AGR3: variants seen among roughly 807,000 people sequenced by gnomAD.
AGR3 encodes the protein anterior gradient protein 3.
Under a neutral mutation model 24.5 loss-of-function variants are expected in AGR3, and 37 were observed. The observed-to-expected ratio is 1.51, with a 90% CI of 1.16 to 1.99. AGR3 has a LOEUF of 1.99. Ranked by LOEUF, AGR3 falls within the 30% of genes most tolerant of loss-of-function variation. The pLI is 0.00. For missense variants in AGR3, 228 were observed against 191.1 expected (o/e 1.19, Z -1.14); for synonymous variants, 75 against 61.6 (o/e 1.22, Z -1.02).
At chr7:16,861,772 G>T (rs1055566547) in intron 5 of AGR3, among the ~76,000 whole-genome samples, 6 of 151,734 alleles carry the variant, frequency 4.0e-5, no homozygotes, top group South Asian at 2.1e-4. Flanking sequence ...ATGGTGGCAG[G>T]TGCCTGTAGT....
At chr7:16,855,452 T>A (rs1781543760), downstream of AGR3, among the ~76,000 whole-genome samples, 1 of 152,086 alleles carries the variant, frequency 6.6e-6, no homozygotes. Context: ...AGAAACTGAA[T>A]CACTGCTAAT....
intron 5 of AGR3, 33 bp downstream of exon 5, chr7:16,861,951 T>C (rs1362729217): frequency 1.4e-5 from 21 of 1,486,792 alleles, no homozygotes; most frequent in Admixed American, 2.0e-5. Flanking sequence ...CATGAAATTA[T>C]AGTATTAAGA....
At chr7:16,855,874 C>T (rs79548109), downstream of AGR3, among the ~76,000 whole-genome samples, 2,786 of 152,206 alleles carry the variant, frequency 0.018, 57 homozygotes, top group South Asian at 0.039. Context: ...AAAGATCCTA[C>T]CAAGAAAACT....
rs770992989 is a variant in AGR3 at position 16,878,541 on chromosome 7, C to G, written c.78G>C (p.Lys26Asn). 13 of 1,613,964 alleles carry G rather than the reference C, an allele frequency of 8.1e-6. No individual in the cohort carries two copies. In the East Asian group the frequency reaches 2.7e-4, roughly 33 times the overall value. Reference protein sequence around the residue: ...VSSNLAIAIKKEKRPPQTLSR... With the variant: ...VSSNLAIAIKNEKRPPQTLSR... ...AGAGTGTCTGAGGAGGCCTCTTTTC[C>G]TTTTTTATTGCAATGGCAAGGTTGG... is the stretch of plus-strand genomic sequence containing the variant. The change falls in exon 2 of 8, where the codon AAG becomes AAC. Residue 26 changes from lysine (K) to asparagine (N), a missense_variant. By Grantham distance (94) the Lys-to-Asn change is moderately conservative. Coordinates refer to ENST00000310398, the MANE Select transcript of AGR3 (RefSeq NM_176813.5).
intron 2 of AGR3, among the ~76,000 whole-genome samples, chr7:16,875,395 AT>A (rs1415901949): frequency 6.6e-6 from 1 of 152,174 alleles, no homozygotes. Flanking sequence ...TTCACTCAGC[AT>A]AACCTTTTTA....
At chr7:16,877,289 T>C (rs1324151678) in intron 2 of AGR3, among the ~76,000 whole-genome samples, 2 of 116,204 alleles carry the variant, frequency 1.7e-5, no homozygotes, top group African/African-American at 2.7e-5. Flanking sequence ...ATATATATTA[T>C]ATATAATATA....
intron 2 of AGR3, 102 bp from the exon 3 acceptor site, chr7:16,873,945 G>A: frequency 3.3e-6 from 3 of 919,180 alleles, no homozygotes; most frequent in Non-Finnish European, 5.2e-6. Context: ...ATTTAACTAA[G>A]CCATCAAGCT....
At chr7:16,869,134 G>C (rs1781816736) in intron 3 of AGR3, among the ~76,000 whole-genome samples, 1 of 152,100 alleles carries the variant, frequency 6.6e-6, no homozygotes, top group Admixed American at 6.6e-5. Flanking sequence ...GTTGAAAGTG[G>C]GGTGTTGAAG....
At chr7:16,868,403 C>T (rs1781802091) in intron 3 of AGR3, among the ~76,000 whole-genome samples, 2 of 152,202 alleles carry the variant, frequency 1.3e-5, no homozygotes, top group Admixed American at 1.3e-4. Flanking sequence ...GATCTGCCCA[C>T]CTTGGCCTCC....
Position 16,859,533 on chromosome 7 carries a change from C to G in AGR3, c.*49G>C, listed in dbSNP as rs1332556420. On this transcript the variant is annotated 3_prime_UTR_variant, in exon 8 of 8. Transcript: ENST00000310398. ...TATTTGTCAATGTGCCAGAGGTTTT[C>G]TTCATGAAATTTGACTTCTTTGAAG... 7.7e-7 allele frequency: 1 copy of G among 1,299,640 alleles called. No individual in the cohort carries two copies. Among genetic ancestry groups the G allele is most frequent in the Admixed American group, 2.0e-5 (1 of 49,654 alleles). 80.5% of individuals were successfully genotyped at this position (1,299,640 alleles called of 1,614,324 possible).
At chr7:16,870,063 T>C (rs1781835485) in intron 3 of AGR3, among the ~76,000 whole-genome samples, 1 of 152,022 alleles carries the variant, frequency 6.6e-6, no homozygotes, top group Non-Finnish European at 1.5e-5. Flanking sequence ...TATCCAAGAA[T>C]ATAATATGCA....
Position 16,864,864 on chromosome 7 carries a change from A to G in AGR3, c.174-2202T>C, listed in dbSNP as rs967521874. 2.5e-5 allele frequency: 22 copies of G among 864,368 alleles called. No individual in the cohort carries two copies. In the Admixed American group the frequency reaches 2.7e-4, roughly 11 times the overall value. 53.5% of individuals were successfully genotyped at this position (864,368 alleles called of 1,614,324 possible). On this transcript the variant is annotated intron_variant, in intron 3 of 7. Transcript: ENST00000310398. ...TGAGTAAAGAGCGTGTATTCCAGTCACCACTGAGGATACCTGCAAAACTTA... is the reference window on the plus strand; with the variant it reads ...TGAGTAAAGAGCGTGTATTCCAGTCGCCACTGAGGATACCTGCAAAACTTA...
intron 3 of AGR3, among the ~76,000 whole-genome samples, chr7:16,870,567 T>C (rs915145868): frequency 2.6e-5 from 4 of 152,150 alleles, no homozygotes; most frequent in African/African-American, 9.6e-5. Context: ...TTTAAAGAAA[T>C]TAATATTGTC....
chr7:16,871,218 T>C (rs1347966819), intron 3 of AGR3, among the ~76,000 whole-genome samples: 1 of 152,190 alleles, frequency 6.6e-6, no homozygotes, highest in African/African-American at 2.4e-5. Context: ...TACTGCCTAA[T>C]AAATAATACT....
In AGR3 at chr7:16,880,680, A is replaced by G. The variant is rs199609735; in HGVS notation, c.-28+1264T>C. Among the ~76,000 whole-genome samples the G allele has an allele frequency of 2.6e-5, 4 of 151,694 alleles. No individual in the cohort carries two copies. In the East Asian group the frequency reaches 7.8e-4, roughly 29 times the overall value. On this transcript the variant is annotated intron_variant, in intron 1 of 7. Transcript: ENST00000310398. ...GATAAGAATTTCAGTTTAAGTTCTC[A>G]TAACTTATTAAACCATAAAACATTT...
chr7:16,864,390 G>T, intron 3 of AGR3: 1 of 1,303,186 alleles, frequency 7.7e-7, no homozygotes. Context: ...GAAGAGACCA[G>T]GTTTCCAGCT....
downstream of AGR3, among the ~76,000 whole-genome samples, chr7:16,858,531 C>A (rs978638558): frequency 1.3e-5 from 2 of 152,134 alleles, no homozygotes; most frequent in African/African-American, 2.4e-5. Flanking sequence ...AGTAGTTACA[C>A]TTTTCTTAAA....
chr7:16,861,919 A>T (rs1433393624), intron 5 of AGR3, 65 bp downstream of exon 5: 142 of 1,398,966 alleles, frequency 1.0e-4, no homozygotes, highest in Middle Eastern at 5.5e-4. Context: ...AAAAAAAAAG[A>T]AAAAAACGGA....
At position 16,859,460 on chromosome 7, in the gene AGR3, A is replaced by T. The variant is rs1242147282; in HGVS notation, c.*122T>A. ...TAATAAGACTATTGCAAACACATTA[A>T]AAAAACTAAATAGTAATATTACAAA... On this transcript the variant is annotated 3_prime_UTR_variant, in exon 8 of 8. Coordinates refer to ENST00000310398, the MANE Select transcript of AGR3 (RefSeq NM_176813.5). The T allele has an allele frequency of 6.0e-6, 4 of 671,948 alleles. No homozygotes were observed. Among genetic ancestry groups the T allele is most frequent in the African/African-American group, 3.6e-5 (2 of 54,886 alleles). 41.6% of individuals were successfully genotyped at this position (671,948 alleles called of 1,614,324 possible). A position where few individuals can be genotyped will look rare whatever the true frequency, so the allele number is the denominator to read the frequency against.
Sources: allele counts gnomAD v4.1 joint callset (sites outside exome capture counted in the v4.1 genomes callset), GRCh38; gene constraint gnomAD v4.1.1; transcripts MANE v1.5; gene names NCBI Gene and HGNC (gene_info 2026-07-23, HGNC 2026-07-21).